Variants in TACR3 observed in about 807,000 individuals in gnomAD.
TACR3 encodes the protein tachykinin receptor 3.
Under a neutral mutation model 35.0 loss-of-function variants are expected in TACR3, and 34 were observed. The observed-to-expected ratio is 0.97, with a 90% CI of 0.74 to 1.30. The LOEUF is 1.30. Among genes scored for constraint, TACR3 ranks in the 50% most tolerant of loss-of-function variants. The pLI is 0.00. For missense variants in TACR3, 558 were observed against 591.7 expected (o/e 0.94, Z 0.59); for synonymous variants, 233 against 221.1 (o/e 1.05, Z -0.48).
intron 1 of TACR3, among the ~76,000 whole-genome samples, chr4:103,716,049 C>T (rs1232817821): frequency 2.0e-5 from 3 of 152,066 alleles, no homozygotes; most frequent in Non-Finnish European, 2.9e-5. Flanking sequence ...GAATCACTGG[C>T]CCTGGAGCTA....
In TACR3 at chr4:103,658,384, G is replaced by A; in HGVS notation, c.568C>T (p.Pro190Ser). ...AVDRYMAIIDPLKPRLSATAT... is the reference protein window; with the variant it reads ...AVDRYMAIIDSLKPRLSATAT... ...GTAGCAGACAGTCTGGGTTTCAAGG[G>A]ATCAATAATAGCCATATACCTATAT... The change falls in exon 2 of 5, where the codon CCC (proline) becomes TCC (serine). Residue 190 changes from proline (P) to serine (S), a missense_variant. Transcript: ENST00000304883. 1 of 1,613,524 alleles carries A rather than the reference G, an allele frequency of 6.2e-7. No homozygotes were observed. The highest frequency in any genetic ancestry group is 8.5e-7 in the Non-Finnish European group (1 of 1,179,768).
intron 1 of TACR3, among the ~76,000 whole-genome samples, chr4:103,660,862 T>C (rs547752776): frequency 3.2e-4 from 49 of 152,118 alleles, no homozygotes; most frequent in Non-Finnish European, 6.5e-4. Flanking sequence ...AAAAAATTGA[T>C]TGTTAACCAT....
At chr4:103,655,492 GA>G (rs980745460) in intron 3 of TACR3, among the ~76,000 whole-genome samples, 24 of 151,986 alleles carry the variant, frequency 1.6e-4, no homozygotes, top group African/African-American at 5.8e-4. Flanking sequence ...ACAAATTTAT[GA>G]AAAAAATCTA....
intron 3 of TACR3, among the ~76,000 whole-genome samples, chr4:103,609,713 C>T (rs571416468): frequency 1.1e-3 from 160 of 152,078 alleles, no homozygotes; most frequent in South Asian, 2.1e-3. Context: ...TTCTTCCTAT[C>T]GAACTGTAAA....
intron 1 of TACR3, among the ~76,000 whole-genome samples, chr4:103,690,760 GATGT>G (rs1722385746): frequency 6.6e-6 from 1 of 152,116 alleles, no homozygotes; most frequent in South Asian, 2.1e-4. Context: ...AATAGACAAA[GATGT>G]ATTTATTCTG....
chr4:103,687,403 T>C (rs977302788), intron 1 of TACR3, among the ~76,000 whole-genome samples: 6 of 151,884 alleles, frequency 4.0e-5, no homozygotes, highest in African/African-American at 9.7e-5. Context: ...CCAGGGCAAT[T>C]AGGCAGGAGA....
At chr4:103,604,011 A>C (rs549504227) in intron 3 of TACR3, among the ~76,000 whole-genome samples, 32 of 152,230 alleles carry the variant, frequency 2.1e-4, no homozygotes, top group Non-Finnish European at 4.4e-4. Context: ...ACTACCATTG[A>C]CTTTCTTCAC....
rs1442360231 is a variant in TACR3, at chr4:103,627,356, A to AATAC, written c.888+28837_888+28838insGTAT. ...ATGGTGAAACTGTGTTTCCATTAAA[A>AATAC]AAAAAAAAAAAAAAAAAAAAAGCTG... On this transcript the variant is annotated intron_variant, in intron 3 of 4. Transcript: ENST00000304883. 7.3e-4 allele frequency among the ~76,000 whole-genome samples: 78 copies of AATAC among 107,104 alleles called. 1 individual carries two copies. Among genetic ancestry groups the AATAC allele is most frequent in the African/African-American group, 2.7e-3 (71 of 25,908 alleles). 70.3% of individuals were successfully genotyped at this position (107,104 alleles called of 152,430 possible).
intron 3 of TACR3, among the ~76,000 whole-genome samples, chr4:103,654,951 T>C (rs1246288015): frequency 6.6e-6 from 1 of 152,156 alleles, no homozygotes; most frequent in African/African-American, 2.4e-5. Flanking sequence ...TCTCCTCGCT[T>C]TAGGATTCGT....
chr4:103,639,410 G>C (rs914255593), intron 3 of TACR3, among the ~76,000 whole-genome samples: 1 of 151,966 alleles, frequency 6.6e-6, no homozygotes, highest in Non-Finnish European at 1.5e-5. Context: ...ATGGACACAG[G>C]AAGGGGAACA....
intron 3 of TACR3, among the ~76,000 whole-genome samples, chr4:103,609,545 A>T (rs1484273299): frequency 1.3e-5 from 2 of 152,142 alleles, no homozygotes; most frequent in African/African-American, 2.4e-5. Context: ...ATATATAATG[A>T]AATGATCAAA....
In TACR3 at chr4:103,719,258, A is replaced by G. The variant is rs1300474500; in HGVS notation, c.418T>C (p.Leu140=). 2.5e-6 allele frequency: 4 copies of G among 1,614,058 alleles called. No individual in the cohort carries two copies. Among genetic ancestry groups the G allele is most frequent in the African/African-American group, 1.3e-5 (1 of 74,914 alleles). Residue 140 remains leucine, a synonymous_variant, in exon 1 of 5, where the codon TTG becomes CTG. Coordinates refer to ENST00000304883, the MANE Select transcript of TACR3 (RefSeq NM_001059.3). ...TGAAGCGCGTAGATGAAATTGACCA[A>G]CGTGTTGAAGGCGGCCATGGAGGCG... ...SDASMAAFNT[L]VNFIYALHSE... is the part of the protein sequence containing the mutation.
chr4:103,687,176 G>T (rs564420603), intron 1 of TACR3, among the ~76,000 whole-genome samples: 8 of 152,146 alleles, frequency 5.3e-5, no homozygotes, highest in African/African-American at 1.4e-4. Flanking sequence ...TGCAGAAAAG[G>T]CCTTTGACAA....
intron 1 of TACR3, among the ~76,000 whole-genome samples, chr4:103,665,376 A>G (rs970701848): frequency 1.3e-5 from 2 of 152,230 alleles, no homozygotes; most frequent in East Asian, 3.9e-4. Flanking sequence ...TTTGATTTTT[A>G]TAAGTAAAAT....
intron 3 of TACR3, among the ~76,000 whole-genome samples, chr4:103,653,883 G>T (rs147316649): frequency 5.9e-5 from 9 of 152,050 alleles, no homozygotes; most frequent in African/African-American, 2.2e-4. Context: ...AAAAGTGGGC[G>T]AAGGATATGA....
rs575692203 is a variant in TACR3, at chr4:103,711,980, C to G, written c.548+7148G>C. On this transcript the variant is annotated intron_variant, in intron 1 of 4. Coordinates refer to ENST00000304883, the MANE Select transcript of TACR3 (RefSeq NM_001059.3). ...TCAAGAAGAACTACAAACCACTGCT[C>G]AATGACATAAAAGAGGACACAAAGA... is the stretch of plus-strand genomic sequence containing the variant. Among the ~76,000 whole-genome samples, 7 of 152,224 alleles carry G rather than the reference C, an allele frequency of 4.6e-5. No homozygotes were observed. In the South Asian group the frequency reaches 1.2e-3, roughly 27 times the overall value.
At chr4:103,694,127 T>G (rs551201516) in intron 1 of TACR3, among the ~76,000 whole-genome samples, 1 of 151,094 alleles carries the variant, frequency 6.6e-6, no homozygotes, top group African/African-American at 2.5e-5. Context: ...TTCAGAAGCC[T>G]TTTTTTCCCT....
intron 1 of TACR3, among the ~76,000 whole-genome samples, chr4:103,666,617 A>G (rs553809860): frequency 1.3e-5 from 2 of 152,344 alleles, no homozygotes; most frequent in East Asian, 3.9e-4. Context: ...CTTAAATAGT[A>G]ATTACAAAAT....
chr4:103,606,971 C>G (rs1724386976), intron 3 of TACR3, among the ~76,000 whole-genome samples: 2 of 151,960 alleles, frequency 1.3e-5, no homozygotes, highest in South Asian at 4.1e-4. Flanking sequence ...TCATAGATAG[C>G]TCTTATTATT....
Sources: allele counts gnomAD v4.1 joint callset (sites outside exome capture counted in the v4.1 genomes callset), GRCh38; gene constraint gnomAD v4.1.1; transcripts MANE v1.5; gene names NCBI Gene and HGNC (gene_info 2026-07-23, HGNC 2026-07-21).